Variants in NCKAP5 observed in about 807,000 individuals in gnomAD.
NCKAP5 encodes the protein NCK associated protein 5, also known as nck-associated protein 5.
NCKAP5 carries 92 observed loss-of-function variants against 167.0 expected under a neutral mutation model. That is an observed-to-expected ratio of 0.55 (90% CI 0.47 to 0.66). The LOEUF (loss-of-function observed/expected upper bound fraction) is 0.66, where lower values mean the gene tolerates loss of function less well. NCKAP5 is among the 30% of genes least tolerant of loss of function. The pLI is 0.00. For missense variants in NCKAP5, 2,378 were observed against 2,315.0 expected (o/e 1.03, Z -0.56); for synonymous variants, 891 against 877.4 (o/e 1.02, Z -0.27).
the NCKAP5 span, among the ~76,000 whole-genome samples, chr2:133,583,858 A>C: frequency 6.6e-6 from 1 of 151,896 alleles, no homozygotes; most frequent in African/African-American, 2.4e-5. Context: ...GGTTCACGCC[A>C]TTCTCCTGCC....
intron 11 of NCKAP5, among the ~76,000 whole-genome samples, chr2:132,814,702 C>A (rs754780779): frequency 2.6e-5 from 4 of 152,144 alleles, no homozygotes; most frequent in African/African-American, 9.7e-5. Flanking sequence ...ATTTCCCCAG[C>A]AAATCTTCTG....
At chr2:132,896,017 C>T (rs965214368) in intron 8 of NCKAP5, among the ~76,000 whole-genome samples, 23 of 152,098 alleles carry the variant, frequency 1.5e-4, no homozygotes, top group Non-Finnish European at 2.9e-4. Flanking sequence ...CACCTGTAAC[C>T]CCAGCTACTC....
intron 16 of NCKAP5, among the ~76,000 whole-genome samples, chr2:132,732,774 G>A (rs181949167): frequency 2.0e-4 from 31 of 152,246 alleles, no homozygotes; most frequent in Middle Eastern, 3.4e-3. Context: ...TGTGTATCTC[G>A]TGCATGAATG....
intron 4 of NCKAP5, among the ~76,000 whole-genome samples, chr2:133,302,694 G>T (rs1188527740): frequency 1.9e-3 from 277 of 143,840 alleles, no homozygotes; most frequent in African/African-American, 6.8e-3. Flanking sequence ...TGACACATTA[G>T]TGGGTGCAGC....
intron 3 of NCKAP5, among the ~76,000 whole-genome samples, chr2:133,431,373 T>C (rs772458343): frequency 7.2e-5 from 11 of 152,134 alleles, no homozygotes; most frequent in Non-Finnish European, 1.2e-4. Flanking sequence ...TGTATGTTGA[T>C]ACAACATTTT....
chr2:133,626,380 A>G, the NCKAP5 span, among the ~76,000 whole-genome samples: 1 of 152,186 alleles, frequency 6.6e-6, no homozygotes, highest in African/African-American at 2.4e-5. Flanking sequence ...AAATAACACC[A>G]AAAAACTTAA....
At chr2:133,102,189 C>T (rs1028274976) in intron 6 of NCKAP5, among the ~76,000 whole-genome samples, 2 of 152,116 alleles carry the variant, frequency 1.3e-5, no homozygotes, top group Non-Finnish European at 2.9e-5. Context: ...CTCTGTCACC[C>T]AGGCTGGAGT....
chr2:133,260,160 C>T (rs2088830513), intron 4 of NCKAP5, among the ~76,000 whole-genome samples: 1 of 152,292 alleles, frequency 6.6e-6, no homozygotes, highest in Non-Finnish European at 1.5e-5. Context: ...CTTTCAAGAA[C>T]CAGTGACTTT....
chr2:133,350,011 T>C (rs555519819), intron 3 of NCKAP5, among the ~76,000 whole-genome samples: 1 of 152,354 alleles, frequency 6.6e-6, no homozygotes, highest in East Asian at 1.9e-4. Flanking sequence ...ATGATAATAT[T>C]CTACATAACC....
At chr2:133,163,971 A>G (rs1232532724) in intron 5 of NCKAP5, among the ~76,000 whole-genome samples, 2 of 152,206 alleles carry the variant, frequency 1.3e-5, no homozygotes, top group Non-Finnish European at 2.9e-5. Context: ...AAATATGGGC[A>G]TATCTCAACT....
intron 8 of NCKAP5, among the ~76,000 whole-genome samples, chr2:132,946,895 C>T (rs1273293984): frequency 6.6e-6 from 1 of 152,092 alleles, no homozygotes; most frequent in African/African-American, 2.4e-5. Flanking sequence ...TAGACCTTGT[C>T]TCAAAATAAA....
chr2:133,564,558 ATGCAGTGT>A (rs1688410299), intron 1 of NCKAP5, among the ~76,000 whole-genome samples: 1 of 152,240 alleles, frequency 6.6e-6, no homozygotes, highest in Non-Finnish European at 1.5e-5. Flanking sequence ...AAATGGGGCT[ATGCAGTGT>A]AAGCATCCCA....
chr2:133,662,513 T>G, the NCKAP5 span, among the ~76,000 whole-genome samples: 1 of 151,018 alleles, frequency 6.6e-6, no homozygotes, highest in Non-Finnish European at 1.5e-5. Context: ...ATATATACAT[T>G]TAACTTGAAT....
intron 8 of NCKAP5, among the ~76,000 whole-genome samples, chr2:132,887,179 CT>C (rs1288428275): frequency 1.3e-5 from 2 of 152,078 alleles, no homozygotes; most frequent in African/African-American, 2.4e-5. Flanking sequence ...AATATCTAAA[CT>C]TTGGTTCACT....
At chr2:132,762,731 C>T (rs568946777) in intron 16 of NCKAP5, among the ~76,000 whole-genome samples, 44 of 152,320 alleles carry the variant, frequency 2.9e-4, no homozygotes, top group African/African-American at 9.4e-4. Context: ...CTTCTCAGTT[C>T]CATGGCAAGA....
At chr2:133,138,604 T>A (rs999188409) in intron 5 of NCKAP5, among the ~76,000 whole-genome samples, 1 of 152,212 alleles carries the variant, frequency 6.6e-6, no homozygotes, top group South Asian at 2.1e-4. Flanking sequence ...TGTCTTCCCA[T>A]TAACTTGATA....
rs1356149801 is a variant in NCKAP5 at position 132,996,369 on chromosome 2, T to C, written c.342-2130A>G. Among the ~76,000 whole-genome samples the C allele has an allele frequency of 3.3e-5, 5 of 152,346 alleles. 1 individual carries two copies. In the East Asian group the frequency reaches 9.6e-4, roughly 29 times the overall value. On this transcript the variant is annotated intron_variant, in intron 6 of 19. Transcript: ENST00000409261. ...GTTTTAAATGTATACCTCCAGTGATTCCCCATTAGCTCAAAGTAAAGAGTA... is the reference window on the plus strand; with the variant it reads ...GTTTTAAATGTATACCTCCAGTGATCCCCCATTAGCTCAAAGTAAAGAGTA...
rs186209343 is a variant in NCKAP5, at chr2:133,433,043, A to G, written c.69+84415T>C. On this transcript the variant is annotated intron_variant, in intron 3 of 19. Coordinates refer to ENST00000409261, the MANE Select transcript of NCKAP5 (RefSeq NM_207363.3). The stretch of plus-strand genomic sequence containing the variant: ...TAATGCAAAATGACTTCTGGAAAGG[A>G]TGGAAAACAGCATAGCACCAGCAAA... Among the ~76,000 whole-genome samples, 396 of 152,288 alleles carry G rather than the reference A, an allele frequency of 2.6e-3. 3 individuals carry two copies. Among genetic ancestry groups the G allele is most frequent in the Non-Finnish European group, 3.4e-3 (230 of 68,000 alleles).
At chr2:133,268,903 T>C (rs1187444369) in intron 4 of NCKAP5, 1 of 152,128 alleles carries the variant, frequency 6.6e-6, no homozygotes, top group Admixed American at 6.5e-5. Context: ...TCAAAAAGGG[T>C]CCTCTCTTAC....
Sources: gnomAD v4.1 joint callset for allele counts (sites outside exome capture counted in the v4.1 genomes callset) on GRCh38, gnomAD v4.1.1 for gene constraint, MANE v1.5 for transcripts, NCBI Gene and HGNC (gene_info 2026-07-23, HGNC 2026-07-21) for gene names.